The following ZNF804A variants were observed in gnomAD, a reference collection of about 807,000 sequenced individuals.
ZNF804A encodes zinc finger protein 804A.
In ZNF804A, 2 loss-of-function variants were observed where a neutral mutation model predicts 16.5. That is an observed-to-expected ratio of 0.12 (90% CI 0.05 to 0.38). The LOEUF is 0.38. ZNF804A is among the 10% of genes least tolerant of loss of function. The pLI is 0.99. For synonymous variants in ZNF804A, 534 were observed against 489.6 expected, an observed-to-expected ratio of 1.09 and a Z score of -1.20; for missense variants, 1,473 against 1,390.7, an observed-to-expected ratio of 1.06 and a Z score of -0.94.
chr2:184,614,703 C>T (rs1377444606), intron 1 of ZNF804A, among the ~76,000 whole-genome samples: 1 of 152,038 alleles, frequency 6.6e-6, no homozygotes, highest in Non-Finnish European at 1.5e-5. Context: ...AAAAAACAAA[C>T]ATCCCAATCA....
At chr2:184,633,270 T>C (rs1691641859) in intron 1 of ZNF804A, among the ~76,000 whole-genome samples, 1 of 152,214 alleles carries the variant, frequency 6.6e-6, no homozygotes, top group African/African-American at 2.4e-5. Context: ...CATGTATCTA[T>C]TGCTTCAACA....
intron 1 of ZNF804A, among the ~76,000 whole-genome samples, chr2:184,613,280 C>T (rs745331086): frequency 6.6e-6 from 1 of 152,204 alleles, no homozygotes; most frequent in African/African-American, 2.4e-5. Context: ...CTCTCTGCCC[C>T]ACTTCCTGTC....
At chr2:184,837,982 T>C (rs531580719) in intron 1 of ZNF804A, among the ~76,000 whole-genome samples, 11 of 152,174 alleles carry the variant, frequency 7.2e-5, no homozygotes, top group South Asian at 6.2e-4. Context: ...CCTTGCTCAG[T>C]GGTCAGAGGA....
intron 1 of ZNF804A, among the ~76,000 whole-genome samples, chr2:184,850,546 C>A (rs1695586329): frequency 6.6e-6 from 1 of 151,310 alleles, no homozygotes; most frequent in Non-Finnish European, 1.5e-5. Context: ...CTTGATGAAT[C>A]TTTTTTGTAT....
chr2:184,888,698 T>G (rs965862341), intron 2 of ZNF804A, among the ~76,000 whole-genome samples: 1 of 152,116 alleles, frequency 6.6e-6, no homozygotes, highest in Admixed American at 6.6e-5. Context: ...TTTCAGGCAC[T>G]GGAAACTCAG....
intron 1 of ZNF804A, among the ~76,000 whole-genome samples, chr2:184,766,228 A>G (rs1436252649): frequency 6.6e-6 from 1 of 152,168 alleles, no homozygotes; most frequent in Non-Finnish European, 1.5e-5. Context: ...ATTTTTATGA[A>G]TAAATATCAA....
chr2:184,801,696 A>AT (rs1048975221), intron 1 of ZNF804A, among the ~76,000 whole-genome samples: 3 of 152,004 alleles, frequency 2.0e-5, no homozygotes, highest in African/African-American at 2.4e-5. Flanking sequence ...TTTGCATGTT[A>AT]TTTTTTTGTC....
At chr2:184,669,079 G>T (rs1465594950) in intron 1 of ZNF804A, among the ~76,000 whole-genome samples, 2 of 151,950 alleles carry the variant, frequency 1.3e-5, no homozygotes, top group Non-Finnish European at 2.9e-5. Flanking sequence ...GAAAATGAAT[G>T]TAACAACTCT....
At chr2:184,700,025 A>G (rs551190293) in intron 1 of ZNF804A, among the ~76,000 whole-genome samples, 119 of 152,234 alleles carry the variant, frequency 7.8e-4, no homozygotes, top group African/African-American at 2.7e-3. Context: ...GTGCTTATTT[A>G]TACCACTAAT....
intron 1 of ZNF804A, among the ~76,000 whole-genome samples, chr2:184,829,057 T>A (rs568001909): frequency 6.6e-6 from 1 of 151,886 alleles, no homozygotes; most frequent in Admixed American, 6.6e-5. Flanking sequence ...AGAATGAAAC[T>A]TGATCTCTAT....
chr2:184,917,056 G>A (rs954114346), intron 2 of ZNF804A, among the ~76,000 whole-genome samples: 19 of 151,932 alleles, frequency 1.3e-4, no homozygotes, highest in African/African-American at 4.4e-4. Context: ...TTTAAATATC[G>A]ATATTATCTA....
At chr2:184,658,189 T>TC (rs1377702372) in intron 1 of ZNF804A, among the ~76,000 whole-genome samples, 28 of 152,044 alleles carry the variant, frequency 1.8e-4, no homozygotes, top group South Asian at 4.1e-4. Flanking sequence ...ACTGAGAAGT[T>TC]TTTTTCCCCC....
At chr2:184,708,350 A>T (rs1248402200) in intron 1 of ZNF804A, among the ~76,000 whole-genome samples, 1 of 152,092 alleles carries the variant, frequency 6.6e-6, no homozygotes, top group African/African-American at 2.4e-5. Context: ...AGCTATTCTA[A>T]ATAAAAAGAA....
intron 1 of ZNF804A, among the ~76,000 whole-genome samples, chr2:184,774,985 AG>A (rs1437854822): frequency 6.6e-6 from 1 of 151,744 alleles, no homozygotes; most frequent in African/African-American, 2.4e-5. Context: ...ATTTTCGAAA[AG>A]CAACATAAAT....
chr2:184,651,893 A>G (rs1428012253), intron 1 of ZNF804A, among the ~76,000 whole-genome samples: 4 of 152,200 alleles, frequency 2.6e-5, no homozygotes, highest in Non-Finnish European at 5.9e-5. Context: ...GGTTTCTCAC[A>G]GAAGTTATAA....
At chr2:184,600,886 G>A (rs921437907) in intron 1 of ZNF804A, among the ~76,000 whole-genome samples, 1 of 152,118 alleles carries the variant, frequency 6.6e-6, no homozygotes, top group Non-Finnish European at 1.5e-5. Context: ...ATTTACCATT[G>A]TAACCTTGTG....
intron 2 of ZNF804A, among the ~76,000 whole-genome samples, chr2:184,899,801 C>A (rs1157978863): frequency 6.6e-6 from 1 of 151,742 alleles, no homozygotes; most frequent in Non-Finnish European, 1.5e-5. Context: ...TAATGAAAGT[C>A]AAGTGCAAAT....
At chr2:184,807,722 T>C (rs1694830491) in intron 1 of ZNF804A, among the ~76,000 whole-genome samples, 1 of 151,802 alleles carries the variant, frequency 6.6e-6, no homozygotes, top group Non-Finnish European at 1.5e-5. Context: ...TATGGACTGA[T>C]GAGTAAGACT....
chr2:184,785,897 A>G (rs1463277489), intron 1 of ZNF804A, among the ~76,000 whole-genome samples: 1 of 152,040 alleles, frequency 6.6e-6, no homozygotes, highest in African/African-American at 2.4e-5. Flanking sequence ...ATATCCTTAT[A>G]TCACTGAAGT....
Sources: allele counts gnomAD v4.1 joint callset (sites outside exome capture counted in the v4.1 genomes callset), GRCh38; gene constraint gnomAD v4.1.1; transcripts MANE v1.5; gene names NCBI Gene and HGNC (gene_info 2026-07-23, HGNC 2026-07-21).